Variants in LAMA4 observed in about 807,000 individuals in gnomAD.
LAMA4 encodes the protein laminin subunit alpha-4.
Under a neutral mutation model 207.1 loss-of-function variants are expected in LAMA4, and 127 were observed. The observed-to-expected ratio is 0.61, with a 90% CI of 0.53 to 0.71. The LOEUF (loss-of-function observed/expected upper bound fraction) is 0.71, where lower values mean the gene tolerates loss of function less well. Ranked by LOEUF, LAMA4 falls within the 30% of genes least tolerant of loss-of-function variation. The pLI is 0.00. For synonymous variants in LAMA4, 761 were observed against 816.0 expected, an observed-to-expected ratio of 0.93 and a Z score of 1.15; for missense variants, 2,093 against 2,246.5, an observed-to-expected ratio of 0.93 and a Z score of 1.38.
rs1019789160 is a variant in LAMA4, at chr6:112,108,532, G to A, written c.*905C>T. Among the ~76,000 whole-genome samples, 10 of 151,968 alleles carry A rather than the reference G, an allele frequency of 6.6e-5. No homozygotes were observed. Among genetic ancestry groups the A allele is most frequent in the African/African-American group, 9.7e-5 (4 of 41,366 alleles). On this transcript the variant is annotated 3_prime_UTR_variant, in exon 39 of 39. Coordinates refer to ENST00000230538, the MANE Select transcript of LAMA4 (RefSeq NM_001105206.3). ...ACTCCTGAGCTTAAGCGATCCTCCC[G>A]TCTCAGCCTCCCAAGTAGCTGGGAC...
At chr6:112,154,257 C>A (rs1371818722) in intron 16 of LAMA4, among the ~76,000 whole-genome samples, 1 of 151,284 alleles carries the variant, frequency 6.6e-6, no homozygotes, top group African/African-American at 2.4e-5. Context: ...CTTGGATGTG[C>A]ACACTTCAGC....
intron 31 of LAMA4, among the ~76,000 whole-genome samples, chr6:112,127,824 G>A (rs1223673926): frequency 6.6e-6 from 1 of 152,158 alleles, no homozygotes; most frequent in Non-Finnish European, 1.5e-5. Context: ...CTTAAAATTG[G>A]ATCATGAAAG....
chr6:112,239,117 A>G (rs1347484392), intron 2 of LAMA4, among the ~76,000 whole-genome samples: 1 of 151,950 alleles, frequency 6.6e-6, no homozygotes. Context: ...GGTCAGAAGT[A>G]CAAGACCAGC....
chr6:112,144,941 T>C lies in LAMA4; in HGVS notation c.2354-8A>G. 1 of 1,607,648 alleles carries C rather than the reference T, an allele frequency of 6.2e-7. No individual in the cohort carries two copies. Among genetic ancestry groups the C allele is most frequent in the Non-Finnish European group, 8.5e-7 (1 of 1,175,602 alleles). On this transcript the variant is annotated splice_region_variant and splice_polypyrimidine_tract_variant and intron_variant, in intron 18 of 38. Coordinates refer to ENST00000230538, the MANE Select transcript of LAMA4 (RefSeq NM_001105206.3). ...CCTCGGTCAGATTTCTTACTGCAGTTAATAAAAATTAATCATTTAAGAAAA... is the reference window on the plus strand; with the variant it reads ...CCTCGGTCAGATTTCTTACTGCAGTCAATAAAAATTAATCATTTAAGAAAA...
rs371575157 is a variant in LAMA4, at chr6:112,225,907, A to C, written c.196-9438T>G. Among the ~76,000 whole-genome samples, 10 of 152,302 alleles carry C rather than the reference A, an allele frequency of 6.6e-5. No homozygotes were observed. The East Asian group carries it at 1.7e-3, about 26-fold the overall frequency. On this transcript the variant is annotated intron_variant, in intron 2 of 38. Coordinates refer to ENST00000230538, the MANE Select transcript of LAMA4 (RefSeq NM_001105206.3). Reference sequence around the variant, plus strand: ...CATGGTGATAATAAAAAGCAGACTGAGTTTTAGTAAGTTTTATTGTTGTTT... The same window carrying C: ...CATGGTGATAATAAAAAGCAGACTGCGTTTTAGTAAGTTTTATTGTTGTTT...
At position 112,115,965 on chromosome 6, in the gene LAMA4, A is replaced by C; in HGVS notation, c.5010T>G (p.Phe1670Leu). The part of the protein sequence containing the change: ...LDESFNIGLK[F>L]EIAFEVRPRS... ...TGGGACGGACTTCAAATGCAATTTC[A>C]AACTTCAATCCAATATTGAAAGATT... The change falls in exon 36 of 39, where the codon TTT becomes TTG. Residue 1670 changes from phenylalanine to leucine, a missense_variant. Coordinates refer to ENST00000230538, the MANE Select transcript of LAMA4 (RefSeq NM_001105206.3). The C allele has an allele frequency of 6.2e-7, 1 of 1,613,432 alleles. No homozygotes were observed. The highest frequency in any genetic ancestry group is 8.5e-7 in the Non-Finnish European group (1 of 1,179,508).
chr6:112,184,298 T>A (rs1187688873), intron 9 of LAMA4, among the ~76,000 whole-genome samples: 1 of 150,424 alleles, frequency 6.6e-6, no homozygotes, highest in Non-Finnish European at 1.5e-5. Flanking sequence ...TGAAGTACTC[T>A]GGCCAGTACT....
intron 14 of LAMA4, chr6:112,158,238 G>T (rs568946437): frequency 5.7e-6 from 1 of 176,734 alleles, no homozygotes; most frequent in East Asian, 1.6e-4. Context: ...GGGCACTGTG[G>T]AGTATTTATC....
At chr6:112,180,339 G>C (rs1396922386) in intron 9 of LAMA4, among the ~76,000 whole-genome samples, 1 of 152,164 alleles carries the variant, frequency 6.6e-6, no homozygotes, top group Non-Finnish European at 1.5e-5. Flanking sequence ...TTGATATACT[G>C]TATATATGAC....
chr6:112,238,886 A>G (rs1168357336), intron 2 of LAMA4, among the ~76,000 whole-genome samples: 3 of 152,256 alleles, frequency 2.0e-5, no homozygotes, highest in Non-Finnish European at 4.4e-5. Flanking sequence ...CTTATTAAGA[A>G]ATGAGTTACT....
At chr6:112,213,872 C>T in intron 3 of LAMA4, 1 of 479,498 alleles carries the variant, frequency 2.1e-6, no homozygotes, top group Non-Finnish European at 3.8e-6. Flanking sequence ...TAAAAGAAAG[C>T]CTTTTATTTT....
At chr6:112,207,533 CCAACCAAA>C (rs1248136483) in intron 3 of LAMA4, among the ~76,000 whole-genome samples, 2 of 150,438 alleles carry the variant, frequency 1.3e-5, no homozygotes, top group African/African-American at 5.0e-5. Context: ...AACCAACCAA[CCAACCAAA>C]CAAACAAACA....
chr6:112,241,152 T>TATATATATTC (rs1554187615), intron 2 of LAMA4, among the ~76,000 whole-genome samples: 3,417 of 98,082 alleles, frequency 0.035, 583 homozygotes, highest in Non-Finnish European at 0.054. Flanking sequence ...TATATATGAA[T>TATATATATTC]ATATATATGA....
At chr6:112,186,977 G>A in intron 8 of LAMA4, 1 of 443,942 alleles carries the variant, frequency 2.3e-6, no homozygotes, top group Non-Finnish European at 4.5e-6. Context: ...GAGAGAGAAT[G>A]TGTGTAAATA....
chr6:112,254,182 G>T lies in LAMA4; in HGVS notation c.-32C>A. On this transcript the variant is annotated 5_prime_UTR_variant, in exon 2 of 39. In the 5' UTR this introduces an upstream ATG that the reference lacks. Transcript: ENST00000230538. ...GCTGACATCCAGTAGTGCTCTTCCA[G>T]GGCTCGGGCGCTGTGGGTCTCCGTA... is the stretch of plus-strand genomic sequence containing the variant. 1 of 1,611,576 alleles carries T rather than the reference G, an allele frequency of 6.2e-7. No homozygotes were observed.
chr6:112,193,142 G>A (rs1783215159), intron 5 of LAMA4, among the ~76,000 whole-genome samples: 1 of 152,124 alleles, frequency 6.6e-6, no homozygotes, highest in Non-Finnish European at 1.5e-5. Context: ...CACCATAATG[G>A]GATTGAAGGT....
chr6:112,141,752 A>G (rs564553197), intron 20 of LAMA4, among the ~76,000 whole-genome samples: 7 of 152,258 alleles, frequency 4.6e-5, no homozygotes, highest in South Asian at 2.1e-4. Flanking sequence ...GAATGGGCTA[A>G]TTTTGTGAGG....
At chr6:112,171,644 T>A (rs1290128622) in intron 12 of LAMA4, 4 of 152,874 alleles carry the variant, frequency 2.6e-5, no homozygotes, top group African/African-American at 9.7e-5. Flanking sequence ...GTGTTATACT[T>A]TTATTGTATA....
At chr6:112,191,268 CA>C (rs1783105094) in intron 6 of LAMA4, among the ~76,000 whole-genome samples, 1 of 152,002 alleles carries the variant, frequency 6.6e-6, no homozygotes, top group Non-Finnish European at 1.5e-5. Context: ...AGGAGTGAGC[CA>C]CCATGCCTGG....
Sources: gnomAD v4.1 joint callset for allele counts (sites outside exome capture counted in the v4.1 genomes callset) on GRCh38, gnomAD v4.1.1 for gene constraint, MANE v1.5 for transcripts, NCBI Gene and HGNC (gene_info 2026-07-23, HGNC 2026-07-21) for gene names.